The following SLC12A8 variants were observed in gnomAD, a reference collection of about 807,000 sequenced individuals.
SLC12A8 encodes solute carrier family 12 member 8, also known as cation-chloride cotransporter 9.
In SLC12A8, 69 loss-of-function variants were observed where a neutral mutation model predicts 75.6. The ratio of observed to expected loss-of-function variants is 0.91; its 90% confidence interval spans 0.75 to 1.11. The LOEUF (loss-of-function observed/expected upper bound fraction) is 1.11. SLC12A8 is among the 50% of genes most tolerant of loss of function. SLC12A8 has a pLI of 0.00. For synonymous variants in SLC12A8, 365 were observed against 372.8 expected (o/e 0.98, Z 0.24); for missense variants, 877 against 896.7 (o/e 0.98, Z 0.28).
chr3:125,124,917 C>T (rs192348139), intron 6 of SLC12A8, among the ~76,000 whole-genome samples: 201 of 152,168 alleles, frequency 1.3e-3, no homozygotes, highest in Non-Finnish European at 2.3e-3. Context: ...ATACTATTTC[C>T]CAGAGCATTA....
intron 5 of SLC12A8, among the ~76,000 whole-genome samples, chr3:125,138,680 T>C (rs563589755): frequency 1.3e-5 from 2 of 152,240 alleles, no homozygotes; most frequent in South Asian, 2.1e-4. Context: ...GCAATTCTTG[T>C]ACTTTCTTTT....
intron 4 of SLC12A8, among the ~76,000 whole-genome samples, chr3:125,184,234 G>A (rs1560079112): frequency 6.6e-6 from 1 of 152,132 alleles, no homozygotes; most frequent in African/African-American, 2.4e-5. Flanking sequence ...ACCTCCCAAA[G>A]TGCTGGGATT....
At chr3:125,177,273 A>C (rs1428503153) in intron 5 of SLC12A8, among the ~76,000 whole-genome samples, 1 of 146,344 alleles carries the variant, frequency 6.8e-6, no homozygotes, top group Non-Finnish European at 1.5e-5. Flanking sequence ...GGAATTGAAC[A>C]ATGAGAACAA....
chr3:125,137,605 G>A (rs545796902), intron 5 of SLC12A8, among the ~76,000 whole-genome samples: 2 of 152,166 alleles, frequency 1.3e-5, no homozygotes, highest in Non-Finnish European at 2.9e-5. Flanking sequence ...GGCCCGCCTC[G>A]CAGGACAGAA....
chr3:125,108,095 A>G lies in SLC12A8; in HGVS notation c.1091T>C (p.Ile364Thr). The G allele has an allele frequency of 6.2e-7, 1 of 1,614,046 alleles. No homozygotes were observed. The highest frequency in any genetic ancestry group is 1.7e-4 in the Middle Eastern group (1 of 6,056). Residue 364 changes from isoleucine to threonine, a missense_variant, in exon 10 of 14, where the codon ATC (isoleucine) becomes ACC (threonine). Ile to Thr is a moderately conservative substitution (Grantham distance 89). Transcript: ENST00000469902. ...KGPNKTPVAA[I>T]CLTSLVTMAF... ...CATGGTCACCAAGCTGGTCAGGCAG[A>G]TGGCAGCCACGGGTGTTTTGTTTGG... is the stretch of plus-strand genomic sequence containing the variant.
chr3:125,120,265 A>C (rs916460734), intron 7 of SLC12A8, among the ~76,000 whole-genome samples: 3 of 150,286 alleles, frequency 2.0e-5, no homozygotes, highest in African/African-American at 7.3e-5. Flanking sequence ...GTGATCCTGG[A>C]AACTCGGTGG....
intron 5 of SLC12A8, among the ~76,000 whole-genome samples, chr3:125,140,864 C>T (rs1042261674): frequency 3.3e-5 from 5 of 152,182 alleles, no homozygotes; most frequent in Non-Finnish European, 5.9e-5. Flanking sequence ...GGATTACAGG[C>T]GTGAGCCACC....
intron 5 of SLC12A8, 98 bp downstream of exon 5, chr3:125,177,645 G>A (rs1201671337): frequency 3.3e-6 from 3 of 910,750 alleles, no homozygotes; most frequent in Non-Finnish European, 5.1e-6. Flanking sequence ...AAAGCCTATG[G>A]GGGTTAGGGG....
intron 5 of SLC12A8, among the ~76,000 whole-genome samples, chr3:125,156,180 G>C (rs759523764): frequency 1.9e-4 from 29 of 152,256 alleles, no homozygotes; most frequent in Non-Finnish European, 3.8e-4. Context: ...TGTGGAAAAG[G>C]ACTAAAAATA....
chr3:125,088,698 T>C (rs1579459618), intron 12 of SLC12A8, among the ~76,000 whole-genome samples: 1 of 152,374 alleles, frequency 6.6e-6, no homozygotes, highest in African/African-American at 2.4e-5. Context: ...ATAAATTTTT[T>C]AAGATTCATA....
intron 5 of SLC12A8, among the ~76,000 whole-genome samples, chr3:125,177,344 A>AG (rs1006707062): frequency 2.2e-5 from 3 of 138,510 alleles, no homozygotes; most frequent in East Asian, 5.1e-4. Context: ...GGGAGGGGGG[A>AG]GGATTGCATT....
intron 2 of SLC12A8, among the ~76,000 whole-genome samples, chr3:125,204,659 T>C (rs999793150): frequency 2.0e-5 from 3 of 152,128 alleles, no homozygotes; most frequent in Non-Finnish European, 4.4e-5. Flanking sequence ...TAGTGTTCTA[T>C]AGCAAAGAAG....
intron 6 of SLC12A8, among the ~76,000 whole-genome samples, chr3:125,132,505 A>C (rs1933384988): frequency 6.6e-6 from 1 of 152,230 alleles, no homozygotes. Context: ...GACAAGACTT[A>C]GAGGGCACTG....
intron 5 of SLC12A8, among the ~76,000 whole-genome samples, chr3:125,138,706 C>T (rs186043649): frequency 1.8e-3 from 279 of 152,140 alleles, no homozygotes; most frequent in Middle Eastern, 6.8e-3. Context: ...TTCTACAAAA[C>T]ATCCACATTT....
At position 125,181,607 on chromosome 3, in the gene SLC12A8, CAAAA is replaced by C. The variant is rs67602083; in HGVS notation, c.391-3637_391-3634del. Among the ~76,000 whole-genome samples, 642 of 67,604 alleles carry C rather than the reference CAAAA, an allele frequency of 9.5e-3. 13 individuals are homozygous for C. The highest frequency in any genetic ancestry group is 0.084 in the Admixed American group (532 of 6,316). 44.4% of individuals were successfully genotyped at this position (67,604 alleles called of 152,430 possible). On this transcript the variant is annotated intron_variant, in intron 4 of 13. Transcript: ENST00000469902. ...TGGGCGACAGAGCGAGACTCCGTCT[CAAAA>C]AAAAAAAAAAAAAAAAGAAAAATAA... is the stretch of plus-strand genomic sequence containing the variant.
At chr3:125,133,435 T>C (rs1355719816) in intron 6 of SLC12A8, among the ~76,000 whole-genome samples, 1 of 151,842 alleles carries the variant, frequency 6.6e-6, no homozygotes, top group African/African-American at 2.4e-5. Flanking sequence ...TATCATGGCG[T>C]GACCAAAGCT....
At chr3:125,143,879 G>A (rs1933707447) in intron 5 of SLC12A8, among the ~76,000 whole-genome samples, 1 of 152,252 alleles carries the variant, frequency 6.6e-6, no homozygotes, top group African/African-American at 2.4e-5. Flanking sequence ...TGCGGTCTAG[G>A]AGGGCAGTCC....
At chr3:125,115,789 C>T (rs1395469129) in intron 8 of SLC12A8, among the ~76,000 whole-genome samples, 1 of 151,694 alleles carries the variant, frequency 6.6e-6, no homozygotes, top group African/African-American at 2.4e-5. Flanking sequence ...GTCAGAGACC[C>T]ACCCTGTCTC....
At chr3:125,098,789 C>T (rs1197665815) in intron 10 of SLC12A8, among the ~76,000 whole-genome samples, 1 of 152,210 alleles carries the variant, frequency 6.6e-6, no homozygotes, top group Non-Finnish European at 1.5e-5. Context: ...CAGCAGTTTG[C>T]TGTCAGAGGG....
Sources: allele counts gnomAD v4.1 joint callset (sites outside exome capture counted in the v4.1 genomes callset), GRCh38; gene constraint gnomAD v4.1.1; transcripts MANE v1.5; gene names NCBI Gene and HGNC (gene_info 2026-07-23, HGNC 2026-07-21).